MEMO1: variants seen among roughly 807,000 people sequenced by gnomAD.
The protein encoded by MEMO1 is mediator of cell motility 1.
MEMO1 carries 6 observed loss-of-function variants against 45.2 expected under a neutral mutation model. That is an observed-to-expected ratio of 0.13 (90% CI 0.07 to 0.26). MEMO1 has a LOEUF of 0.26. Ranked by LOEUF, MEMO1 falls within the 10% of genes least tolerant of loss-of-function variation. The pLI, the probability that MEMO1 is intolerant of heterozygous loss-of-function variation, is 1.00. For synonymous variants in MEMO1, 78 were observed against 124.3 expected, an observed-to-expected ratio of 0.63 and a Z score of 2.48; for missense variants, 184 against 370.5, an observed-to-expected ratio of 0.50 and a Z score of 4.13.
At chr2:31,911,478 G>GT (rs1415942639) in intron 6 of MEMO1, among the ~76,000 whole-genome samples, 3 of 152,152 alleles carry the variant, frequency 2.0e-5, no homozygotes, top group African/African-American at 7.2e-5. Flanking sequence ...GGTAAAAACC[G>GT]TAAGACTATC....
chr2:31,939,090 A>G (rs1665298041), intron 3 of MEMO1, among the ~76,000 whole-genome samples: 1 of 136,338 alleles, frequency 7.3e-6, no homozygotes, highest in Non-Finnish European at 1.6e-5. Flanking sequence ...AGTAACAATG[A>G]AAGATTTGTT....
At chr2:31,915,536 A>C (rs1358930035) in intron 6 of MEMO1, among the ~76,000 whole-genome samples, 2 of 151,754 alleles carry the variant, frequency 1.3e-5, no homozygotes, top group Non-Finnish European at 2.9e-5. Flanking sequence ...TTCTGGTTTT[A>C]CTCTCTTGAT....
intron 4 of MEMO1, among the ~76,000 whole-genome samples, chr2:31,929,407 TATC>T (rs912135006): frequency 2.0e-5 from 3 of 152,182 alleles, no homozygotes; most frequent in African/African-American, 7.2e-5. Context: ...AATTATAATT[TATC>T]ATGTTTTATA....
At chr2:31,895,464 T>C (rs1345519186) in intron 6 of MEMO1, among the ~76,000 whole-genome samples, 2 of 151,992 alleles carry the variant, frequency 1.3e-5, no homozygotes, top group African/African-American at 4.8e-5. Flanking sequence ...AATTTTAGAG[T>C]TGAATAGTAA....
At position 31,952,421 on chromosome 2, in the gene MEMO1, A is replaced by G. The variant is rs188620249; in HGVS notation, c.62-9038T>C. Among the ~76,000 whole-genome samples, 25 of 152,318 alleles carry G rather than the reference A, an allele frequency of 1.6e-4. No individual in the cohort carries two copies. The East Asian group carries it at 4.4e-3, about 27-fold the overall frequency. On this transcript the variant is annotated intron_variant, in intron 2 of 9. Coordinates refer to ENST00000404530, the MANE Select transcript of MEMO1 (RefSeq NM_001301833.4). ...TTCTGTCCGTTCATATATAGTCTCA[A>G]AATTTTCAGAGCTAAAACCAATTCC... is the stretch of plus-strand genomic sequence containing the variant.
At chr2:31,924,694 T>C (rs768665188) in intron 4 of MEMO1, among the ~76,000 whole-genome samples, 1 of 152,158 alleles carries the variant, frequency 6.6e-6, no homozygotes, top group Non-Finnish European at 1.5e-5. Context: ...AGTGAAGACA[T>C]TTTAACCAAA....
chr2:32,006,616 CTACATTTGCAG>C (rs989409137), intron 2 of MEMO1, among the ~76,000 whole-genome samples: 2 of 150,496 alleles, frequency 1.3e-5, no homozygotes, highest in Non-Finnish European at 3.0e-5. Flanking sequence ...AGGGCTGCAG[CTACATTTGCAG>C]TATGGGCCAC....
intron 2 of MEMO1, among the ~76,000 whole-genome samples, chr2:31,993,945 C>CT (rs1558562652): frequency 9.6e-5 from 12 of 124,576 alleles, no homozygotes; most frequent in African/African-American, 3.4e-4. Context: ...ATCATCAATA[C>CT]TTTCTTTTTT....
At chr2:31,877,825 T>C (rs1015032568) in intron 8 of MEMO1, among the ~76,000 whole-genome samples, 3 of 152,204 alleles carry the variant, frequency 2.0e-5, no homozygotes, top group Non-Finnish European at 2.9e-5. Flanking sequence ...ATTCCTTTTA[T>C]TTCCTTTACA....
At chr2:31,963,744 TTC>T (rs1405632316) in intron 2 of MEMO1, among the ~76,000 whole-genome samples, 2 of 152,206 alleles carry the variant, frequency 1.3e-5, no homozygotes, top group African/African-American at 4.8e-5. Flanking sequence ...GAGTCAGGCA[TTC>T]TCTATTTCCT....
chr2:31,982,187 C>T (rs1670715077), intron 2 of MEMO1, among the ~76,000 whole-genome samples: 3 of 151,684 alleles, frequency 2.0e-5, no homozygotes, highest in Admixed American at 2.0e-4. Context: ...ATCCCAGCTA[C>T]TCGGGAGGCT....
intron 6 of MEMO1, among the ~76,000 whole-genome samples, chr2:31,910,094 GATAAA>G (rs1464281827): frequency 2.0e-5 from 3 of 151,954 alleles, no homozygotes; most frequent in Non-Finnish European, 2.9e-5. Context: ...TGCAAGAAGT[GATAAA>G]ATAAAGTGCT....
intron 8 of MEMO1, among the ~76,000 whole-genome samples, chr2:31,872,045 A>ACACACACACACAC (rs1553355618): frequency 1.3e-5 from 2 of 151,694 alleles, no homozygotes; most frequent in African/African-American, 2.4e-5. Context: ...ACACACACAC[A>ACACACACACACAC]AAGTTAAACC....
rs1236160136 is a variant in MEMO1 at position 31,910,250 on chromosome 2, C to A, written c.437+7676G>T. ...CAATTTAGACATTAGATCTGCCTTG[C>A]AAGAAATGTTAAAAGAAGTCCCTCA... On this transcript the variant is annotated intron_variant, in intron 6 of 9. Transcript: ENST00000404530. 2.6e-5 allele frequency among the ~76,000 whole-genome samples: 4 copies of A among 152,034 alleles called. No individual in the cohort carries two copies. The East Asian group carries it at 7.7e-4, about 29-fold the overall frequency.
rs930809652 is a variant in MEMO1 at position 31,917,869 on chromosome 2, T to A, written c.437+57A>T. On this transcript the variant is annotated intron_variant, in intron 6 of 9. Transcript: ENST00000404530. The stretch of plus-strand genomic sequence containing the variant: ...TTACTAGGATTTACTAGTTTTAAAT[T>A]ACCAAAGAAATTAATGTCTATGATT... 3.6e-5 allele frequency: 44 copies of A among 1,211,516 alleles called. No homozygotes were observed. In the Admixed American group the frequency reaches 9.3e-4, roughly 26 times the overall value. The allele number at this position is 1,211,516 out of a possible 1,614,324, so 75.0% of individuals were successfully genotyped here. A position where few individuals can be genotyped will look rare whatever the true frequency, so the allele number is the denominator to read the frequency against.
intron 2 of MEMO1, among the ~76,000 whole-genome samples, chr2:31,997,745 T>G (rs1264072180): frequency 6.6e-6 from 1 of 152,178 alleles, no homozygotes; most frequent in Non-Finnish European, 1.5e-5. Flanking sequence ...ATGTAAGACC[T>G]TGTAAGTTGT....
intron 2 of MEMO1, among the ~76,000 whole-genome samples, chr2:31,964,162 G>A (rs972798784): frequency 1.3e-5 from 2 of 152,000 alleles, no homozygotes; most frequent in Non-Finnish European, 2.9e-5. Context: ...ACAGAAAAAC[G>A]TTGAACACCA....
intron 2 of MEMO1, among the ~76,000 whole-genome samples, chr2:31,971,719 C>T (rs1331371105): frequency 6.6e-6 from 1 of 152,110 alleles, no homozygotes; most frequent in Non-Finnish European, 1.5e-5. Flanking sequence ...CCAGTAATCC[C>T]AGCATTTTGG....
chr2:31,965,713 T>C (rs960324614), intron 2 of MEMO1, among the ~76,000 whole-genome samples: 2 of 152,042 alleles, frequency 1.3e-5, no homozygotes, highest in African/African-American at 4.8e-5. Context: ...AGCAAACTAA[T>C]GCAAGAACAG....
Sources: gnomAD v4.1 joint callset for allele counts (sites outside exome capture counted in the v4.1 genomes callset) on GRCh38, gnomAD v4.1.1 for gene constraint, MANE v1.5 for transcripts, NCBI Gene and HGNC (gene_info 2026-07-23, HGNC 2026-07-21) for gene names.